The following CDH20 variants were observed in gnomAD, a reference collection of about 807,000 sequenced individuals.
The protein encoded by CDH20 is cadherin-20.
Under a neutral mutation model 74.2 loss-of-function variants are expected in CDH20, and 29 were observed. That is an observed-to-expected ratio of 0.39 (90% CI 0.29 to 0.53). CDH20 has a LOEUF of 0.53. Ranked by LOEUF, CDH20 falls within the 20% of genes least tolerant of loss-of-function variation. The pLI, the probability that CDH20 is intolerant of heterozygous loss-of-function variation, is 0.69. For missense variants in CDH20, 988 were observed against 1,048.3 expected (o/e 0.94, Z 0.79); for synonymous variants, 469 against 405.4 (o/e 1.16, Z -1.88).
At chr18:61,480,792 T>C (rs776230998) in intron 1 of CDH20, among the ~76,000 whole-genome samples, 19 of 152,228 alleles carry the variant, frequency 1.2e-4, no homozygotes, top group Non-Finnish European at 2.6e-4. Flanking sequence ...TGCTTTAACT[T>C]TACATTACAA....
At chr18:61,339,104 G>A (rs764620934) in intron 1 of CDH20, among the ~76,000 whole-genome samples, 4 of 152,152 alleles carry the variant, frequency 2.6e-5, no homozygotes, top group Admixed American at 6.5e-5. Context: ...AATTATTGGT[G>A]ATATTCTGGT....
At chr18:61,477,518 G>A (rs1283578775) in intron 1 of CDH20, among the ~76,000 whole-genome samples, 6 of 152,184 alleles carry the variant, frequency 3.9e-5, no homozygotes, top group East Asian at 3.8e-4. Context: ...AATAAACAGC[G>A]TTCTTGAGAA....
chr18:61,477,823 CT>C (rs1419063302), intron 1 of CDH20, among the ~76,000 whole-genome samples: 1 of 152,092 alleles, frequency 6.6e-6, no homozygotes, highest in African/African-American at 2.4e-5. Context: ...CATTGGTTAG[CT>C]TAGTTCTTTT....
At chr18:61,413,290 A>T (rs1912572329) in intron 1 of CDH20, among the ~76,000 whole-genome samples, 1 of 152,152 alleles carries the variant, frequency 6.6e-6, no homozygotes, top group Non-Finnish European at 1.5e-5. Flanking sequence ...GGTTTTAGAA[A>T]ATAGCATGAA....
chr18:61,554,045 C>T lies in CDH20; in HGVS notation c.1901-145C>T, dbSNP rs557310313. 6.3e-5 allele frequency: 56 copies of T among 893,874 alleles called. 1 individual carries two copies. The East Asian group carries it at 1.4e-3, about 22-fold the overall frequency. The allele number at this position is 893,874 out of a possible 1,614,324, so 55.4% of individuals were successfully genotyped here. The stretch of plus-strand genomic sequence containing the variant: ...AAAGTGGACTTAAATTAGAACTCCC[C>T]GAGGTTTCAGATATCCAAAAGCTAT... On this transcript the variant is annotated intron_variant, in intron 11 of 11. Transcript: ENST00000262717.
chr18:61,361,807 A>G (rs1277531476), intron 1 of CDH20, among the ~76,000 whole-genome samples: 1 of 152,200 alleles, frequency 6.6e-6, no homozygotes, highest in African/African-American at 2.4e-5. Context: ...AAGCATGAGA[A>G]CATAATAGAT....
At chr18:61,518,527 CCTAA>C (rs1468716244) in intron 6 of CDH20, among the ~76,000 whole-genome samples, 4 of 151,186 alleles carry the variant, frequency 2.6e-5, no homozygotes, top group African/African-American at 7.4e-5. Context: ...AGCAGAGGGA[CCTAA>C]CTGTTAGAAT....
chr18:61,423,436 A>T (rs1475510765), intron 1 of CDH20, among the ~76,000 whole-genome samples: 1 of 152,076 alleles, frequency 6.6e-6, no homozygotes, highest in African/African-American at 2.4e-5. Context: ...GTACAATCCC[A>T]TTCACTTGTT....
chr18:61,428,671 T>C (rs1913154503), intron 1 of CDH20, among the ~76,000 whole-genome samples: 1 of 152,206 alleles, frequency 6.6e-6, no homozygotes, highest in African/African-American at 2.4e-5. Flanking sequence ...AAGTTTCAGT[T>C]TACAGTGGTT....
intron 1 of CDH20, among the ~76,000 whole-genome samples, chr18:61,444,629 C>T (rs1035399511): frequency 6.6e-6 from 1 of 152,148 alleles, no homozygotes; most frequent in African/African-American, 2.4e-5. Flanking sequence ...AGGGGGAGGG[C>T]TGCCGGAGAG....
At chr18:61,529,781 G>A (rs1024778456) in intron 7 of CDH20, among the ~76,000 whole-genome samples, 3 of 152,158 alleles carry the variant, frequency 2.0e-5, no homozygotes, top group African/African-American at 7.2e-5. Context: ...TTCACCACTG[G>A]CATGAAGTAA....
chr18:61,356,359 TCA>T (rs1245093179), intron 1 of CDH20, among the ~76,000 whole-genome samples: 2 of 152,336 alleles, frequency 1.3e-5, no homozygotes, highest in Non-Finnish European at 2.9e-5. Flanking sequence ...TATATTTTTC[TCA>T]CACAGTATTT....
chr18:61,339,501 C>T (rs1357305121), intron 1 of CDH20, among the ~76,000 whole-genome samples: 1 of 151,912 alleles, frequency 6.6e-6, no homozygotes, highest in Admixed American at 6.6e-5. Context: ...TTCCAGCCTT[C>T]CCACTTTTGA....
intron 1 of CDH20, among the ~76,000 whole-genome samples, chr18:61,425,147 T>C (rs1913029302): frequency 6.6e-6 from 1 of 151,380 alleles, no homozygotes; most frequent in Admixed American, 6.6e-5. Flanking sequence ...GAAAACAACT[T>C]ACTGAAGATG....
At chr18:61,388,698 C>T (rs1420010023) in intron 1 of CDH20, among the ~76,000 whole-genome samples, 2 of 152,084 alleles carry the variant, frequency 1.3e-5, no homozygotes, top group Non-Finnish European at 2.9e-5. Flanking sequence ...TTATGACATG[C>T]GTGTGGATGC....
chr18:61,458,300 T>C (rs1909647962), intron 1 of CDH20, among the ~76,000 whole-genome samples: 1 of 152,224 alleles, frequency 6.6e-6, no homozygotes, highest in South Asian at 2.1e-4. Context: ...CTAAAAATCC[T>C]GTTCTAAAAA....
intron 6 of CDH20, among the ~76,000 whole-genome samples, chr18:61,510,417 C>A (rs951917871): frequency 6.6e-6 from 1 of 152,168 alleles, no homozygotes; most frequent in Non-Finnish European, 1.5e-5. Flanking sequence ...AGGAATTCAC[C>A]ACAGACTTTA....
chr18:61,415,513 T>C (rs1471755475), intron 1 of CDH20, among the ~76,000 whole-genome samples: 1 of 152,168 alleles, frequency 6.6e-6, no homozygotes, highest in Non-Finnish European at 1.5e-5. Context: ...TACCATATTT[T>C]CTTTTGTGCC....
chr18:61,485,565 T>C (rs1289588441), intron 1 of CDH20, among the ~76,000 whole-genome samples: 2 of 152,158 alleles, frequency 1.3e-5, no homozygotes, highest in Non-Finnish European at 2.9e-5. Context: ...CTGGGATGGA[T>C]AGAACCTCTG....
Sources: gnomAD v4.1 joint callset for allele counts (sites outside exome capture counted in the v4.1 genomes callset) on GRCh38, gnomAD v4.1.1 for gene constraint, MANE v1.5 for transcripts, NCBI Gene and HGNC (gene_info 2026-07-23, HGNC 2026-07-21) for gene names.